Variants in CRTAM observed in about 807,000 individuals in gnomAD.
The protein encoded by CRTAM is cytotoxic and regulatory T cell molecule.
A neutral mutation model predicts 50.0 loss-of-function variants in CRTAM; 44 were observed. The ratio of observed to expected loss-of-function variants is 0.88; its 90% confidence interval spans 0.69 to 1.13. The LOEUF is 1.13. Ranked by LOEUF, CRTAM falls within the 50% of genes most tolerant of loss-of-function variation. CRTAM has a pLI of 0.00. For missense variants in CRTAM, 448 were observed against 457.5 expected (o/e 0.98, Z 0.19); for synonymous variants, 159 against 169.3 (o/e 0.94, Z 0.47).
chr11:122,845,340 GA>G (rs1401053783), intron 1 of CRTAM, among the ~76,000 whole-genome samples: 1 of 152,152 alleles, frequency 6.6e-6, no homozygotes, highest in East Asian at 1.9e-4. Context: ...CGAGGTAGTG[GA>G]GTTGAAAACC....
At chr11:122,846,044 A>G (rs1248470775) in intron 1 of CRTAM, among the ~76,000 whole-genome samples, 3 of 152,082 alleles carry the variant, frequency 2.0e-5, no homozygotes, top group African/African-American at 7.2e-5. Context: ...TTATTTTTGT[A>G]CCAAATCATC....
At chr11:122,865,420 T>G (rs1189858633) in intron 7 of CRTAM, among the ~76,000 whole-genome samples, 1 of 151,976 alleles carries the variant, frequency 6.6e-6, no homozygotes, top group African/African-American at 2.4e-5. Flanking sequence ...CTTTTTTTTT[T>G]CTGGTTTTGT....
intron 5 of CRTAM, among the ~76,000 whole-genome samples, chr11:122,860,053 A>G (rs1290793140): frequency 6.6e-6 from 1 of 152,076 alleles, no homozygotes; most frequent in Admixed American, 6.6e-5. Flanking sequence ...ATGAGGAGCT[A>G]TTTTATTTTT....
At chr11:122,863,999 A>C (rs968907129) in intron 6 of CRTAM, among the ~76,000 whole-genome samples, 21 of 152,310 alleles carry the variant, frequency 1.4e-4, no homozygotes, top group Admixed American at 2.6e-4. Flanking sequence ...GGAAAAAAAA[A>C]CCACACAGTT....
In CRTAM at chr11:122,871,283, C is replaced by T. The variant is rs141267818; in HGVS notation, c.1066C>T (p.Arg356Cys). 9.3e-6 allele frequency: 15 copies of T among 1,612,148 alleles called. No individual in the cohort carries two copies. The highest frequency in any genetic ancestry group is 5.3e-5 in the African/African-American group (4 of 74,886). Residue 356 changes from arginine (R) to cysteine (C), a missense_variant, in exon 10 of 10, where the codon CGT becomes TGT. By Grantham distance (180) the Arg-to-Cys change is radical. Coordinates refer to ENST00000227348, the MANE Select transcript of CRTAM (RefSeq NM_019604.4). ...TTTTCTTTCAGCTTCCCACCCTATG[C>T]GTTGCATGAACTACATCACAAAGTT... is the stretch of plus-strand genomic sequence containing the variant. The part of the protein sequence containing the change: ...EKNGQSSHPM[R>C]CMNYITKLYS...
intron 4 of CRTAM, 118 bp downstream of exon 4, chr11:122,854,204 TC>T: frequency 1.0e-6 from 1 of 965,082 alleles, no homozygotes; most frequent in Non-Finnish European, 1.5e-6. Context: ...TAATATTTCA[TC>T]AGCTCTTTTC....
At chr11:122,846,797 T>G (rs1861869363) in intron 1 of CRTAM, among the ~76,000 whole-genome samples, 1 of 152,210 alleles carries the variant, frequency 6.6e-6, no homozygotes, top group Admixed American at 6.5e-5. Context: ...TGTTCCAATT[T>G]AGATTTACTG....
chr11:122,853,410 T>A (rs1311546555), intron 3 of CRTAM, among the ~76,000 whole-genome samples: 1 of 152,106 alleles, frequency 6.6e-6, no homozygotes, highest in Non-Finnish European at 1.5e-5. Context: ...CATTGCTTGT[T>A]CGGGAATTTT....
chr11:122,862,423 G>T (rs1224957750), intron 5 of CRTAM, 41 bp from the exon 6 acceptor site: 2 of 1,271,486 alleles, frequency 1.6e-6, no homozygotes, highest in African/African-American at 2.9e-5. Flanking sequence ...GGGTAAAACT[G>T]CTCTCTATAG....
At chr11:122,853,855 C>A in intron 3 of CRTAM, 88 bp from the exon 4 acceptor site, 2 of 1,252,920 alleles carry the variant, frequency 1.6e-6, no homozygotes, top group Non-Finnish European at 2.2e-6. Context: ...TACCCTATAA[C>A]AATCACCTAC....
chr11:122,867,903 G>A, intron 8 of CRTAM, 110 bp from the exon 9 acceptor site: 2 of 687,030 alleles, frequency 2.9e-6, no homozygotes, highest in South Asian at 1.9e-5. Context: ...TATGGGAGGG[G>A]CATGGTAAGT....
At chr11:122,870,193 G>A (rs1454709217) in intron 9 of CRTAM, among the ~76,000 whole-genome samples, 2 of 151,942 alleles carry the variant, frequency 1.3e-5, no homozygotes, top group South Asian at 4.2e-4. Context: ...CAGTCCTCCC[G>A]CCTCAGCCTT....
intron 7 of CRTAM, among the ~76,000 whole-genome samples, chr11:122,866,485 G>T (rs1046836520): frequency 3.9e-5 from 6 of 151,986 alleles, no homozygotes; most frequent in African/African-American, 1.5e-4. Context: ...GCCTTCTGTA[G>T]GTCCAAGCAC....
At chr11:122,847,249 G>A (rs137999574) in intron 1 of CRTAM, among the ~76,000 whole-genome samples, 14 of 152,240 alleles carry the variant, frequency 9.2e-5, no homozygotes, top group South Asian at 2.1e-4. Flanking sequence ...AATTTGGCTC[G>A]TGTGCGTGTG....
At chr11:122,840,037 G>A (rs1201490795) in intron 1 of CRTAM, among the ~76,000 whole-genome samples, 2 of 152,070 alleles carry the variant, frequency 1.3e-5, no homozygotes, top group Non-Finnish European at 2.9e-5. Context: ...CTAAAATTAG[G>A]ATGATTTCAA....
At chr11:122,863,745 C>T (rs966024776) in intron 6 of CRTAM, among the ~76,000 whole-genome samples, 11 of 152,104 alleles carry the variant, frequency 7.2e-5, no homozygotes, top group Admixed American at 3.9e-4. Context: ...TAATCTTTAA[C>T]GGCTTGCTAC....
chr11:122,863,321 AAAAGAAAG>A (rs137934573), intron 6 of CRTAM, among the ~76,000 whole-genome samples: 5,245 of 103,580 alleles, frequency 0.051, 382 homozygotes, highest in East Asian at 0.33. Flanking sequence ...GAAAGAAAGA[AAAAGAAAG>A]AAAGAAAGAA....
chr11:122,863,810 G>A (rs937396449), intron 6 of CRTAM, among the ~76,000 whole-genome samples: 1 of 151,898 alleles, frequency 6.6e-6, no homozygotes, highest in African/African-American at 2.4e-5. Context: ...TTAAAATAGG[G>A]TTTCTAAAAT....
At chr11:122,867,347 C>T in intron 7 of CRTAM, 62 bp from the exon 8 acceptor site, 3 of 1,320,324 alleles carry the variant, frequency 2.3e-6, no homozygotes, top group Non-Finnish European at 3.0e-6. Context: ...TACATATTCT[C>T]CAGTGGCAAA....
Sources: gnomAD v4.1 joint callset for allele counts (sites outside exome capture counted in the v4.1 genomes callset) on GRCh38, gnomAD v4.1.1 for gene constraint, MANE v1.5 for transcripts, NCBI Gene and HGNC (gene_info 2026-07-23, HGNC 2026-07-21) for gene names.